The following TLK2 variants were observed in gnomAD, a reference collection of about 807,000 sequenced individuals.
TLK2 encodes serine/threonine-protein kinase tousled-like 2.
Under a neutral mutation model 117.3 loss-of-function variants are expected in TLK2, and 6 were observed. The ratio of observed to expected loss-of-function variants is 0.05; its 90% CI spans 0.03 to 0.10. The LOEUF (loss-of-function observed/expected upper bound fraction) is 0.10. Ranked by LOEUF, TLK2 falls within the 10% of genes least tolerant of loss-of-function variation. The probability of loss-of-function intolerance (pLI) is 1.00; values close to 1 mark genes in which losing one functional copy is unlikely to be tolerated. For missense variants in TLK2, 299 were observed against 901.2 expected, an observed-to-expected ratio of 0.33 and a Z score of 8.56; for synonymous variants, 257 against 316.7, an observed-to-expected ratio of 0.81 and a Z score of 2.00.
At chr17:62,514,775 C>T (rs563269847) in intron 2 of TLK2, among the ~76,000 whole-genome samples, 5 of 152,116 alleles carry the variant, frequency 3.3e-5, no homozygotes, top group South Asian at 2.1e-4. Context: ...GATGGGGTTT[C>T]GCCATGTTGG....
intron 11 of TLK2, among the ~76,000 whole-genome samples, chr17:62,566,839 A>C (rs1258778550): frequency 2.0e-5 from 3 of 152,216 alleles, no homozygotes; most frequent in Non-Finnish European, 4.4e-5. Flanking sequence ...AGTCACTCTG[A>C]GCAGCCCTGT....
rs1280686968 is a variant in TLK2, at chr17:62,612,553, T to C, written c.2241T>C (p.Ser747=). The C allele has an allele frequency of 8.1e-6, 13 of 1,612,642 alleles. No homozygotes were observed. Among genetic ancestry groups the C allele is most frequent in the Non-Finnish European group, 9.3e-6 (11 of 1,179,284 alleles). ...IASTSGASNN[S]SSN The stretch of plus-strand genomic sequence containing the variant: ...CAACCTCTGGGGCGTCCAATAACAG[T>C]TCTTCTAATTGAGACTGACTCCAAG... The change falls in exon 22 of 22, where the codon AGT becomes AGC. Residue 747 remains serine (S), a synonymous_variant. Coordinates refer to ENST00000346027, the MANE Select transcript of TLK2 (RefSeq NM_006852.6).
intron 21 of TLK2, among the ~76,000 whole-genome samples, chr17:62,608,899 T>TA (rs2083514624): frequency 6.6e-6 from 1 of 152,190 alleles, no homozygotes; most frequent in Non-Finnish European, 1.5e-5. Context: ...AAAAGGAAGC[T>TA]ATAAATAATC....
chr17:62,519,573 GGA>G (rs2075883283), intron 2 of TLK2, among the ~76,000 whole-genome samples: 2 of 152,246 alleles, frequency 1.3e-5, no homozygotes, highest in African/African-American at 4.8e-5. Flanking sequence ...CAGCACTTCG[GGA>G]GGCGGAGGCG....
intron 2 of TLK2, among the ~76,000 whole-genome samples, chr17:62,505,969 A>G (rs1438056897): frequency 6.6e-6 from 1 of 152,242 alleles, no homozygotes; most frequent in African/African-American, 2.4e-5. Flanking sequence ...CTGGGATTAC[A>G]GGTGTGAGCC....
chr17:62,499,434 G>A (rs1488563769), intron 2 of TLK2, among the ~76,000 whole-genome samples: 13 of 151,906 alleles, frequency 8.6e-5, no homozygotes, highest in Non-Finnish European at 1.8e-4. Context: ...CGGAGTGTTG[G>A]GATTACAGGT....
intron 7 of TLK2, among the ~76,000 whole-genome samples, chr17:62,543,097 AT>A (rs199901593): frequency 1.3e-5 from 2 of 151,632 alleles, no homozygotes. Flanking sequence ...AGGCTTTTAA[AT>A]TTTTTTTTAA....
At chr17:62,587,899 A>G (rs1490007734) in intron 16 of TLK2, among the ~76,000 whole-genome samples, 1 of 152,030 alleles carries the variant, frequency 6.6e-6, no homozygotes, top group Non-Finnish European at 1.5e-5. Context: ...GTGTTGGACC[A>G]GTACATGCTT....
intron 7 of TLK2, among the ~76,000 whole-genome samples, chr17:62,542,005 A>G (rs1325297048): frequency 1.3e-5 from 2 of 152,238 alleles, no homozygotes; most frequent in East Asian, 3.8e-4. Context: ...TTATGGCATT[A>G]CAACATACAT....
intron 20 of TLK2, among the ~76,000 whole-genome samples, chr17:62,606,949 A>T (rs1346367517): frequency 3.4e-5 from 5 of 145,410 alleles, no homozygotes; most frequent in Admixed American, 3.4e-4. Context: ...TAATATTTTG[A>T]TTACATTCCC....
chr17:62,489,451 C>A (rs12943891), intron 2 of TLK2, among the ~76,000 whole-genome samples: 1 of 152,076 alleles, frequency 6.6e-6, no homozygotes, highest in Non-Finnish European at 1.5e-5. Context: ...TCAGGCGATC[C>A]GCCAGCCTTG....
At chr17:62,584,556 C>T (rs2081473786) in intron 15 of TLK2, among the ~76,000 whole-genome samples, 1 of 152,200 alleles carries the variant, frequency 6.6e-6, no homozygotes, top group Non-Finnish European at 1.5e-5. Context: ...CCTCTACTGC[C>T]TCTAACCCAA....
intron 8 of TLK2, 83 bp downstream of exon 8, chr17:62,552,480 T>C (rs2078543295): frequency 2.5e-6 from 4 of 1,591,440 alleles, no homozygotes; most frequent in Non-Finnish European, 3.4e-6. Context: ...GTCATTCTTC[T>C]CTGACTTCTC....
chr17:62,573,182 T>A (rs1322749075), intron 11 of TLK2, 33 bp from the exon 12 acceptor site: 12 of 1,583,248 alleles, frequency 7.6e-6, no homozygotes, highest in Middle Eastern at 1.8e-4. Context: ...CTTTTGACTT[T>A]CTTTCTTTGT....
At chr17:62,474,466 G>A (rs1175624709), upstream of TLK2, among the ~76,000 whole-genome samples, 2 of 151,430 alleles carry the variant, frequency 1.3e-5, no homozygotes, top group African/African-American at 4.9e-5. Flanking sequence ...CTGGAGTGCA[G>A]TGGTGCGGTC....
At chr17:62,598,605 A>G (rs920569660) in intron 17 of TLK2, among the ~76,000 whole-genome samples, 1 of 151,362 alleles carries the variant, frequency 6.6e-6, no homozygotes, top group African/African-American at 2.4e-5. Flanking sequence ...GCTCACTGCA[A>G]CCTCCACCTC....
intron 7 of TLK2, among the ~76,000 whole-genome samples, chr17:62,543,399 A>G (rs780053620): frequency 3.8e-4 from 58 of 152,172 alleles, no homozygotes; most frequent in South Asian, 1.2e-3. Flanking sequence ...TCATATGGTA[A>G]CTGTTTTTGA....
intron 6 of TLK2, among the ~76,000 whole-genome samples, chr17:62,525,606 G>A (rs909986080): frequency 3.3e-5 from 5 of 151,928 alleles, no homozygotes; most frequent in Admixed American, 6.6e-5. Context: ...GTACCACTAC[G>A]CCCGGCTAAT....
At chr17:62,504,321 C>T (rs1567807676) in intron 2 of TLK2, among the ~76,000 whole-genome samples, 1 of 152,164 alleles carries the variant, frequency 6.6e-6, no homozygotes, top group Non-Finnish European at 1.5e-5. Context: ...GTGGTTTTTA[C>T]TCTTGAAATC....
Sources: gnomAD v4.1 joint callset for allele counts (sites outside exome capture counted in the v4.1 genomes callset) on GRCh38, gnomAD v4.1.1 for gene constraint, MANE v1.5 for transcripts, NCBI Gene and HGNC (gene_info 2026-07-23, HGNC 2026-07-21) for gene names.